SLC30A7: variants seen among roughly 807,000 people sequenced by gnomAD.
SLC30A7 encodes solute carrier family 30 member 7.
SLC30A7 carries 35 observed loss-of-function variants against 46.0 expected under a neutral mutation model. That is an observed-to-expected ratio of 0.76 (90% CI 0.58 to 1.01). The LOEUF is 1.01. SLC30A7 is among the 50% of genes least tolerant of loss of function. SLC30A7 has a pLI of 0.00. For missense variants in SLC30A7, 464 were observed against 451.1 expected, an observed-to-expected ratio of 1.03 and a Z score of -0.26; for synonymous variants, 147 against 157.8, an observed-to-expected ratio of 0.93 and a Z score of 0.51.
At chr1:100,946,762 C>T (rs916810929) in intron 8 of SLC30A7, among the ~76,000 whole-genome samples, 5 of 152,068 alleles carry the variant, frequency 3.3e-5, no homozygotes, top group African/African-American at 1.2e-4. Context: ...TTTGTAGTGT[C>T]TCTGCCGGGC....
At chr1:100,932,884 T>C (rs1408335690) in intron 8 of SLC30A7, among the ~76,000 whole-genome samples, 1 of 152,196 alleles carries the variant, frequency 6.6e-6, no homozygotes, top group Non-Finnish European at 1.5e-5. Context: ...ATAAATCTTA[T>C]GGTTAAAGAG....
chr1:100,921,651 C>T (rs2101032126), intron 7 of SLC30A7, 55 bp from the exon 8 acceptor site: 18 of 1,420,082 alleles, frequency 1.3e-5, no homozygotes, highest in African/African-American at 1.4e-5. Context: ...AGGATATATT[C>T]GTATTTTAAA....
At chr1:100,906,741 G>A in intron 2 of SLC30A7, 111 bp from the exon 3 acceptor site, 1 of 703,176 alleles carries the variant, frequency 1.4e-6, no homozygotes, top group South Asian at 1.7e-5. Context: ...TTAAATTGTT[G>A]TTTTAGATGG....
intron 7 of SLC30A7, among the ~76,000 whole-genome samples, chr1:100,920,352 A>T (rs759295770): frequency 5.8e-4 from 88 of 152,022 alleles, no homozygotes; most frequent in Non-Finnish European, 8.7e-4. Flanking sequence ...TGGCCCCAAC[A>T]TTATTAACCT....
chr1:100,927,681 GA>G (rs1653396330), intron 8 of SLC30A7, among the ~76,000 whole-genome samples: 2 of 152,324 alleles, frequency 1.3e-5, no homozygotes, highest in South Asian at 4.1e-4. Flanking sequence ...AATAGACAGA[GA>G]GTTAGATTTA....
At chr1:100,945,708 AG>A (rs944588711) in intron 8 of SLC30A7, among the ~76,000 whole-genome samples, 9 of 152,202 alleles carry the variant, frequency 5.9e-5, no homozygotes, top group African/African-American at 2.2e-4. Context: ...TATAGTTTGA[AG>A]TCAGGTAACG....
intron 8 of SLC30A7, among the ~76,000 whole-genome samples, chr1:100,933,044 C>T (rs1025861614): frequency 2.0e-5 from 3 of 150,068 alleles, no homozygotes; most frequent in Non-Finnish European, 3.0e-5. Context: ...GGCGCAATCT[C>T]GGCTCACTGC....
intron 8 of SLC30A7, among the ~76,000 whole-genome samples, chr1:100,940,067 A>T (rs1191175179): frequency 6.6e-6 from 1 of 152,132 alleles, no homozygotes; most frequent in African/African-American, 2.4e-5. Context: ...ACATAATGAG[A>T]TACCTGAAAG....
intron 4 of SLC30A7, 31 bp from the exon 5 acceptor site, chr1:100,912,080 TA>T: frequency 1.3e-6 from 2 of 1,593,734 alleles, no homozygotes; most frequent in Non-Finnish European, 1.7e-6. Context: ...AAATAATATC[TA>T]TGCTATTTGT....
At chr1:100,990,458 A>T in the SLC30A7 span, 1 of 1,614,148 alleles carries the variant, frequency 6.2e-7, no homozygotes, top group Non-Finnish European at 8.5e-7. Flanking sequence ...GGTATGGAAA[A>T]CAGACTTAGC....
intron 8 of SLC30A7, among the ~76,000 whole-genome samples, chr1:100,943,377 T>C (rs3850453): frequency 0.28 from 42,518 of 152,102 alleles, 6,094 homozygotes; most frequent in Middle Eastern, 0.36. Flanking sequence ...GGGGGAAGGA[T>C]AGAGCTTCCA....
intron 2 of SLC30A7, among the ~76,000 whole-genome samples, chr1:100,904,888 A>T (rs188708474): frequency 1.3e-5 from 2 of 152,122 alleles, no homozygotes; most frequent in East Asian, 1.9e-4. Context: ...GATTTTGTCA[A>T]CATTTTTACT....
At chr1:100,938,174 C>T (rs530411763) in intron 8 of SLC30A7, among the ~76,000 whole-genome samples, 1 of 152,222 alleles carries the variant, frequency 6.6e-6, no homozygotes, top group African/African-American at 2.4e-5. Context: ...GACCTGCAAC[C>T]TTGTTCTTTT....
chr1:100,913,677 C>T lies in SLC30A7; in HGVS notation c.526C>T (p.His176Tyr), dbSNP rs1652280309. Residue 176 changes from histidine to tyrosine, a missense_variant, in exon 6 of 11, where the codon CAT becomes TAT. Coordinates refer to ENST00000357650, the MANE Select transcript of SLC30A7 (RefSeq NM_133496.5). ...TTGTTTTCTAGGCCACGGACACAGT[C>T]ATTCCCTCTTTAATGGTGCTCTAGA... ...HSHGSGHGHS[H>Y]SLFNGALDQA... The T allele has an allele frequency of 6.2e-7, 1 of 1,613,840 alleles. No homozygotes were observed.
intron 8 of SLC30A7, among the ~76,000 whole-genome samples, chr1:100,933,766 A>T (rs1653798812): frequency 1.3e-5 from 2 of 152,144 alleles, no homozygotes; most frequent in African/African-American, 4.8e-5. Context: ...TTATGGCTGC[A>T]TAGTATTCCA....
At chr1:100,941,039 T>C in intron 8 of SLC30A7, 1 of 342,790 alleles carries the variant, frequency 2.9e-6, no homozygotes, top group Non-Finnish European at 5.6e-6. Flanking sequence ...CTGCCATAGC[T>C]TCTGCAGCTA....
chr1:100,965,453 G>A (rs1655809203), intron 9 of SLC30A7, among the ~76,000 whole-genome samples: 1 of 152,148 alleles, frequency 6.6e-6, no homozygotes, highest in Non-Finnish European at 1.5e-5. Context: ...CCTTCTAATA[G>A]TTTTTTTCCA....
At chr1:100,961,206 C>A (rs940969125) in intron 8 of SLC30A7, among the ~76,000 whole-genome samples, 1 of 152,030 alleles carries the variant, frequency 6.6e-6, no homozygotes, top group African/African-American at 2.4e-5. Context: ...TGTGATCCAC[C>A]CGCCTTGGCT....
chr1:100,990,845 C>T, the SLC30A7 span, among the ~76,000 whole-genome samples: 1 of 152,192 alleles, frequency 6.6e-6, no homozygotes, highest in Non-Finnish European at 1.5e-5. Context: ...AAACTTTACC[C>T]TTTCAGAATT....
Sources: allele counts gnomAD v4.1 joint callset (sites outside exome capture counted in the v4.1 genomes callset), GRCh38; gene constraint gnomAD v4.1.1; transcripts MANE v1.5; gene names NCBI Gene and HGNC (gene_info 2026-07-23, HGNC 2026-07-21).